The following PPM1H variants were observed in gnomAD, a reference collection of about 807,000 sequenced individuals.
The protein encoded by PPM1H is protein phosphatase 1H.
In PPM1H, 27 loss-of-function variants were observed where a neutral mutation model predicts 54.9. The observed-to-expected ratio is 0.49, with a 90% CI of 0.36 to 0.68. PPM1H has a LOEUF of 0.68. Among genes scored for constraint, PPM1H ranks in the 30% least tolerant of loss-of-function variants. The pLI, the probability that PPM1H is intolerant of heterozygous loss-of-function variation, is 0.00. For synonymous variants in PPM1H, 305 were observed against 270.8 expected (o/e 1.13, Z -1.24); for missense variants, 596 against 667.8 (o/e 0.89, Z 1.19).
intron 4 of PPM1H, among the ~76,000 whole-genome samples, chr12:62,786,330 C>T (rs552916562): frequency 3.3e-5 from 5 of 152,300 alleles, no homozygotes; most frequent in Middle Eastern, 3.4e-3. Flanking sequence ...AACCCTGAGG[C>T]GGGAGAGGAA....
At chr12:62,819,646 TTTTAAG>T (rs1210803454) in intron 2 of PPM1H, among the ~76,000 whole-genome samples, 2 of 152,220 alleles carry the variant, frequency 1.3e-5, no homozygotes, top group African/African-American at 2.4e-5. Context: ...TTTGTGTGCC[TTTTAAG>T]TTTGTTTTGT....
In PPM1H at chr12:62,934,671, G is replaced by A. The variant is rs1015887857; in HGVS notation, c.66C>T (p.Gly22=). The change falls in exon 1 of 10, where the codon GGC becomes GGT. Residue 22 remains glycine, a synonymous_variant. Coordinates refer to ENST00000228705, the MANE Select transcript of PPM1H (RefSeq NM_020700.2). The surrounding 1 kb of genome is among the most constrained non-coding windows in gnomAD (Gnocchi z 4.2). ...FMGGIMAGSS[G]SEHGGGSCGG... ...CGCAGCTGCCGCCGCCGTGCTCGGA[G>A]CCTGAGCTGCCAGCCATGATGCCGC... 2 of 1,605,312 alleles carry A rather than the reference G, an allele frequency of 1.2e-6. No homozygotes were observed. The highest frequency in any genetic ancestry group is 1.3e-5 in the African/African-American group (1 of 74,858).
intron 5 of PPM1H, among the ~76,000 whole-genome samples, chr12:62,735,952 T>C (rs1031658890): frequency 1.3e-5 from 2 of 152,094 alleles, no homozygotes; most frequent in South Asian, 4.2e-4. Flanking sequence ...CTGGTGGCAG[T>C]GGTGGTGGTG....
chr12:62,890,681 T>C (rs1438034703), intron 1 of PPM1H, among the ~76,000 whole-genome samples: 1 of 150,690 alleles, frequency 6.6e-6, no homozygotes, highest in African/African-American at 2.4e-5. Flanking sequence ...CACTTATTGA[T>C]TGGGAATATA....
chr12:62,836,998 C>T (rs1270617928), intron 1 of PPM1H, among the ~76,000 whole-genome samples: 2 of 152,082 alleles, frequency 1.3e-5, no homozygotes, highest in Non-Finnish European at 1.5e-5. Flanking sequence ...AAATTATAAC[C>T]TAAATCTCAG....
intron 6 of PPM1H, among the ~76,000 whole-genome samples, chr12:62,715,601 AG>A (rs770537727): frequency 6.6e-5 from 10 of 152,148 alleles, no homozygotes; most frequent in Non-Finnish European, 8.8e-5. Flanking sequence ...ATCCCCATTA[AG>A]AGGCAACAGA....
intron 1 of PPM1H, among the ~76,000 whole-genome samples, chr12:62,848,416 G>A (rs567650250): frequency 4.6e-5 from 7 of 152,112 alleles, no homozygotes; most frequent in Admixed American, 6.6e-5. Context: ...AATACTAAAT[G>A]ACTACAAATG....
At chr12:62,910,458 T>A (rs1388859174) in intron 1 of PPM1H, among the ~76,000 whole-genome samples, 2 of 152,182 alleles carry the variant, frequency 1.3e-5, no homozygotes, top group Non-Finnish European at 2.9e-5. Flanking sequence ...GAGAGAAAGA[T>A]ACTAATTCTT....
At chr12:62,774,541 C>T (rs1398164996) in intron 4 of PPM1H, among the ~76,000 whole-genome samples, 2 of 152,086 alleles carry the variant, frequency 1.3e-5, no homozygotes, top group African/African-American at 4.8e-5. Context: ...GGGATCTCAT[C>T]ATGTTGCCCA....
At chr12:62,811,656 T>C (rs2076836245) in intron 2 of PPM1H, among the ~76,000 whole-genome samples, 1 of 152,206 alleles carries the variant, frequency 6.6e-6, no homozygotes, top group African/African-American at 2.4e-5. Flanking sequence ...CTCCATGCTG[T>C]TCTTGTGATA....
intron 1 of PPM1H, among the ~76,000 whole-genome samples, chr12:62,870,554 T>A (rs948562247): frequency 6.6e-6 from 1 of 151,908 alleles, no homozygotes; most frequent in Non-Finnish European, 1.5e-5. Context: ...AGAGAAAGAA[T>A]TTAGGGGACA....
rs145864683 is a variant in PPM1H at position 62,781,565 on chromosome 12, T to C, written c.869+6661A>G. 5.6e-3 allele frequency among the ~76,000 whole-genome samples: 853 copies of C among 152,348 alleles called. 4 individuals are homozygous for C. Among genetic ancestry groups the C allele is most frequent in the Non-Finnish European group, 9.5e-3 (646 of 68,036 alleles). Reference sequence around the variant, plus strand: ...GAGTGGTGATTCTTAAACTTGAGCATGCATTGGAGTCACCTGTAGGACTTG... The same window carrying C: ...GAGTGGTGATTCTTAAACTTGAGCACGCATTGGAGTCACCTGTAGGACTTG... On this transcript the variant is annotated intron_variant, in intron 4 of 9. Coordinates refer to ENST00000228705, the MANE Select transcript of PPM1H (RefSeq NM_020700.2).
intron 1 of PPM1H, among the ~76,000 whole-genome samples, chr12:62,865,598 G>A (rs956544447): frequency 7.9e-5 from 12 of 152,186 alleles, no homozygotes; most frequent in African/African-American, 2.9e-4. Context: ...CCGGGCTCAA[G>A]CTATTCTCAT....
chr12:62,817,182 G>C (rs1462076077), intron 2 of PPM1H, among the ~76,000 whole-genome samples: 2 of 135,782 alleles, frequency 1.5e-5, no homozygotes, highest in Admixed American at 1.5e-4. Context: ...AAAAAAACTG[G>C]CCAGGCGCAG....
intron 1 of PPM1H, among the ~76,000 whole-genome samples, chr12:62,884,501 C>CAAAA (rs6144736): frequency 3.7e-4 from 33 of 89,862 alleles, no homozygotes; most frequent in African/African-American, 5.1e-4. Flanking sequence ...AACTCCATAT[C>CAAAA]AAAAAAAAAA....
intron 4 of PPM1H, among the ~76,000 whole-genome samples, chr12:62,765,460 G>T (rs1368638148): frequency 1.3e-5 from 2 of 152,188 alleles, no homozygotes; most frequent in Non-Finnish European, 2.9e-5. Flanking sequence ...ATGTGGAAAA[G>T]CCTGCAATGG....
chr12:62,674,311 C>T (rs1470266833), intron 8 of PPM1H, among the ~76,000 whole-genome samples: 2 of 152,100 alleles, frequency 1.3e-5, no homozygotes, highest in Non-Finnish European at 2.9e-5. Context: ...TGTTTCCTGG[C>T]AGAAATAGCC....
intron 2 of PPM1H, among the ~76,000 whole-genome samples, chr12:62,825,058 A>G (rs1157111323): frequency 6.6e-6 from 1 of 151,268 alleles, no homozygotes; most frequent in Non-Finnish European, 1.5e-5. Flanking sequence ...AGGAAAAAAA[A>G]AATCAAAAAG....
intron 1 of PPM1H, among the ~76,000 whole-genome samples, chr12:62,846,907 G>A (rs1245104289): frequency 6.6e-6 from 1 of 152,212 alleles, no homozygotes; most frequent in African/African-American, 2.4e-5. Context: ...TCTTGGGGAG[G>A]TTAATGGGCT....
Sources: allele counts gnomAD v4.1 joint callset (sites outside exome capture counted in the v4.1 genomes callset), GRCh38; gene constraint gnomAD v4.1.1; non-coding constraint Gnocchi (gnomAD v3.1); transcripts MANE v1.5; gene names NCBI Gene and HGNC (gene_info 2026-07-23, HGNC 2026-07-21).